The following DUSP16 variants were observed in gnomAD, a reference collection of about 807,000 sequenced individuals.
The protein encoded by DUSP16 is dual specificity protein phosphatase 16.
In DUSP16, 21 loss-of-function variants were observed where a neutral mutation model predicts 58.3. That is an observed-to-expected ratio of 0.36 (90% confidence interval 0.26 to 0.52). The LOEUF (loss-of-function observed/expected upper bound fraction) is 0.52. Ranked by LOEUF, DUSP16 falls within the 20% of genes least tolerant of loss-of-function variation. The pLI, the probability that DUSP16 is intolerant of heterozygous loss-of-function variation, is 0.94. For synonymous variants in DUSP16, 320 were observed against 323.8 expected (o/e 0.99, Z 0.12); for missense variants, 726 against 819.0 (o/e 0.89, Z 1.39).
In DUSP16 at chr12:12,477,181, G is replaced by T. The variant is rs1030814070; in HGVS notation, c.1650C>A (p.Thr550=). 8.7e-6 allele frequency: 14 copies of T among 1,614,112 alleles called. No individual in the cohort carries two copies. Among genetic ancestry groups the T allele is most frequent in the Non-Finnish European group, 1.2e-5 (14 of 1,180,050 alleles). ...HSDILAPQTS[T]PSLTSSWYFA... ...AATACCAGCTGCTGGTCAGGGAAGG[G>T]GTAGAGGTCTGGGGGGCCAAGATAT... Residue 550 remains threonine (T), a synonymous_variant, in exon 7 of 7, where the codon ACC becomes ACA. Transcript: ENST00000298573. This position sits in a 1 kb window ranked among gnomAD's most constrained non-coding sequence, Gnocchi z 4.1.
intron 3 of DUSP16, among the ~76,000 whole-genome samples, chr12:12,507,891 G>C (rs1185751386): frequency 6.6e-6 from 1 of 152,266 alleles, no homozygotes; most frequent in Non-Finnish European, 1.5e-5. Context: ...TTACAGGCGT[G>C]AGCCACCGTG....
At position 12,476,696 on chromosome 12, in the gene DUSP16, C is replaced by T; in HGVS notation, c.*137G>A. 1.4e-6 allele frequency: 1 copy of T among 693,042 alleles called. No homozygotes were observed. The allele number at this position is 693,042 out of a possible 1,614,324, so 42.9% of individuals were successfully genotyped here. On this transcript the variant is annotated 3_prime_UTR_variant, in exon 7 of 7. Transcript: ENST00000298573. The stretch of plus-strand genomic sequence containing the variant: ...TAAGAGAGTAACAACTGGGTTGATC[C>T]ACCTGTTGCTTTTACACCATAGCTC...
chr12:12,514,752 T>C, intron 3 of DUSP16, among the ~76,000 whole-genome samples: 1 of 152,134 alleles, frequency 6.6e-6, no homozygotes, highest in Non-Finnish European at 1.5e-5. Context: ...CGCTGCAACC[T>C]CAAAACTCCT....
chr12:12,530,097 T>C (rs1944363649), intron 1 of DUSP16, among the ~76,000 whole-genome samples: 3 of 152,208 alleles, frequency 2.0e-5, no homozygotes, highest in Admixed American at 2.0e-4. Context: ...CATAGTGTTT[T>C]CCATAATGGC....
At position 12,477,012 on chromosome 12, in the gene DUSP16, C is replaced by G. The variant is rs1384257540; in HGVS notation, c.1819G>C (p.Ala607Pro). The change falls in exon 7 of 7, where the codon GCT (alanine) becomes CCT (proline). Residue 607 changes from alanine (A) to proline (P), a missense_variant. Ala to Pro is a conservative substitution (Grantham distance 27). Coordinates refer to ENST00000298573, the MANE Select transcript of DUSP16 (RefSeq NM_030640.3). The surrounding 1 kb of genome is among the most constrained non-coding windows in gnomAD (Gnocchi z 4.1). The stretch of plus-strand genomic sequence containing the variant: ...TCATGCCAGCTCCGCCGCGAGTCAG[C>G]TCTGTCACTTGGCTTCTGCCGCCTG... ...VRRRQKPSDR[A>P]DSRRSWHEES... 1.9e-6 allele frequency: 3 copies of G among 1,614,124 alleles called. No homozygotes were observed. The African/African-American group carries it at 4.0e-5, about 22-fold the overall frequency.
intron 1 of DUSP16, among the ~76,000 whole-genome samples, chr12:12,529,389 C>T (rs1015791314): frequency 2.6e-5 from 4 of 152,170 alleles, no homozygotes; most frequent in Non-Finnish European, 5.9e-5. Context: ...GGATTACAGG[C>T]GTGAGCCACT....
At chr12:12,542,390 A>G (rs1944575197) in intron 1 of DUSP16, among the ~76,000 whole-genome samples, 8 of 16,610 alleles carry the variant, frequency 4.8e-4, no homozygotes, top group Admixed American at 2.6e-3. Context: ...AGAAAAGAGA[A>G]AAAAAAAAAA....
At chr12:12,559,129 T>A (rs1202559922) in intron 1 of DUSP16, among the ~76,000 whole-genome samples, 7 of 152,170 alleles carry the variant, frequency 4.6e-5, no homozygotes, top group African/African-American at 1.7e-4. Flanking sequence ...AATAACAGAT[T>A]GTCTACAACA....
intron 3 of DUSP16, among the ~76,000 whole-genome samples, chr12:12,514,384 C>T (rs1302499821): frequency 6.6e-6 from 1 of 152,226 alleles, no homozygotes; most frequent in African/African-American, 2.4e-5. Flanking sequence ...TCTGCAGATG[C>T]AGATACAGAG....
At chr12:12,533,554 A>C (rs992630570) in intron 1 of DUSP16, among the ~76,000 whole-genome samples, 4 of 152,202 alleles carry the variant, frequency 2.6e-5, no homozygotes, top group African/African-American at 9.7e-5. Flanking sequence ...CTTCAACAGC[A>C]AAAGCAGGAG....
At chr12:12,480,643 T>C (rs577496353) in intron 5 of DUSP16, among the ~76,000 whole-genome samples, 46 of 152,332 alleles carry the variant, frequency 3.0e-4, no homozygotes, top group African/African-American at 1.1e-3. Flanking sequence ...CCCTAAGATA[T>C]GGGTAATATT....
At chr12:12,544,714 C>T (rs1944614906) in intron 1 of DUSP16, among the ~76,000 whole-genome samples, 3 of 152,136 alleles carry the variant, frequency 2.0e-5, no homozygotes, top group Admixed American at 6.6e-5. Context: ...TTTTTGATGA[C>T]GAATATGGCT....
At chr12:12,548,766 T>C (rs1191433176) in intron 1 of DUSP16, among the ~76,000 whole-genome samples, 1 of 152,104 alleles carries the variant, frequency 6.6e-6, no homozygotes, top group African/African-American at 2.4e-5. Context: ...TCCAGGATAC[T>C]ATCTTCCTTC....
chr12:12,532,781 C>A (rs1188080115), intron 1 of DUSP16, among the ~76,000 whole-genome samples: 1 of 152,052 alleles, frequency 6.6e-6, no homozygotes, highest in Non-Finnish European at 1.5e-5. Context: ...AACCCCATCT[C>A]TACTAAAAAT....
chr12:12,499,637 C>G (rs1943881597), intron 4 of DUSP16, among the ~76,000 whole-genome samples: 1 of 152,204 alleles, frequency 6.6e-6, no homozygotes, highest in Non-Finnish European at 1.5e-5. Flanking sequence ...TCTAGTTACT[C>G]AAGGAGAACG....
chr12:12,481,146 C>T (rs1328526036), intron 5 of DUSP16, among the ~76,000 whole-genome samples: 1 of 152,180 alleles, frequency 6.6e-6, no homozygotes, highest in African/African-American at 2.4e-5. Flanking sequence ...TCCAAGAGAA[C>T]TTTTATCCCT....
chr12:12,518,332 G>C (rs1311983733), intron 3 of DUSP16, among the ~76,000 whole-genome samples: 3 of 152,082 alleles, frequency 2.0e-5, no homozygotes, highest in Non-Finnish European at 4.4e-5. Context: ...TGGCCAACAT[G>C]GTGAAACCCG....
At chr12:12,500,930 ATTCTC>A (rs745955607) in intron 3 of DUSP16, among the ~76,000 whole-genome samples, 30 of 152,108 alleles carry the variant, frequency 2.0e-4, no homozygotes, top group Non-Finnish European at 3.2e-4. Context: ...TCTCTCAGAT[ATTCTC>A]TTCATCTTCA....
At position 12,500,612 on chromosome 12, in the gene DUSP16, G is replaced by A. The variant is rs757827494; in HGVS notation, c.438C>T (p.Cys146=). The A allele has an allele frequency of 1.9e-6, 3 of 1,612,070 alleles. No individual in the cohort carries two copies. The highest frequency in any genetic ancestry group is 2.7e-5 in the African/African-American group (2 of 74,902). Residue 146 remains cysteine, a synonymous_variant, in exon 4 of 7, where the codon TGC becomes TGT. Transcript: ENST00000298573. The stretch of plus-strand genomic sequence containing the variant: ...CAACAGGTAAGCAAGGCTGAGAAAT[G>A]CAGGTAGGGACTAGAGTGGATTTTC... The part of the protein sequence containing the change: ...CEGKSTLVPT[C]ISQPCLPVAN...
Sources: gnomAD v4.1 joint callset for allele counts (sites outside exome capture counted in the v4.1 genomes callset) on GRCh38, gnomAD v4.1.1 for gene constraint, Gnocchi (gnomAD v3.1) non-coding constraint, MANE v1.5 for transcripts, NCBI Gene and HGNC (gene_info 2026-07-23, HGNC 2026-07-21) for gene names.